MAP2K5: variants seen among roughly 807,000 people sequenced by gnomAD.
MAP2K5 encodes the protein mitogen-activated protein kinase kinase 5.
A neutral mutation model predicts 83.1 loss-of-function variants in MAP2K5; 49 were observed. The observed-to-expected ratio is 0.59, with a 90% CI of 0.47 to 0.75. The LOEUF is 0.75. MAP2K5 is among the 30% of genes least tolerant of loss of function. The probability of loss-of-function intolerance (pLI) is 0.00; values close to 1 mark genes in which losing one functional copy is unlikely to be tolerated. For synonymous variants in MAP2K5, 202 were observed against 191.8 expected (o/e 1.05, Z -0.44); for missense variants, 457 against 557.5 (o/e 0.82, Z 1.82).
intron 8 of MAP2K5, among the ~76,000 whole-genome samples, chr15:67,607,553 A>G (rs899262014): frequency 6.6e-6 from 1 of 152,200 alleles, no homozygotes; most frequent in Non-Finnish European, 1.5e-5. Flanking sequence ...ACAGGATGTC[A>G]CAGGTCGCTG....
At chr15:67,761,087 T>C (rs1228633859) in intron 19 of MAP2K5, among the ~76,000 whole-genome samples, 1 of 152,138 alleles carries the variant, frequency 6.6e-6, no homozygotes, top group African/African-American at 2.4e-5. Flanking sequence ...GGAGTGTAAG[T>C]TCCTTCCTTC....
chr15:67,774,019 A>G lies in MAP2K5; in HGVS notation c.1242+1267A>G, dbSNP rs1596951667. Among the ~76,000 whole-genome samples, 1 of 152,220 alleles carries G rather than the reference A, an allele frequency of 6.6e-6. No individual in the cohort carries two copies. The highest frequency in any genetic ancestry group is 3.2e-3 in the Middle Eastern group (1 of 316). ...ATGCTGCAATGAGTTGGCCACTTAT[A>G]AATAAAACATCTGCAGATCACACAT... On this transcript the variant is annotated intron_variant, in intron 21 of 21. Transcript: ENST00000178640. The surrounding 1 kb of genome is among the most constrained non-coding windows in gnomAD (Gnocchi z 4.9).
rs1049900873 is a variant in MAP2K5 at position 67,669,147 on chromosome 15, G to A, written c.847+4502G>A. On this transcript the variant is annotated intron_variant, in intron 13 of 21. Transcript: ENST00000178640. Reference sequence around the variant, plus strand: ...CAACTATTTATTTTATACCTACTACGTTCTAGGCGCTTTCACAGTACTTGA... The same window carrying A: ...CAACTATTTATTTTATACCTACTACATTCTAGGCGCTTTCACAGTACTTGA... Among the ~76,000 whole-genome samples, 57 of 152,004 alleles carry A rather than the reference G, an allele frequency of 3.7e-4. 1 individual carries two copies. The highest frequency in any genetic ancestry group is 1.2e-3 in the African/African-American group (50 of 41,388).
At chr15:67,706,725 A>T (rs1000835105) in intron 16 of MAP2K5, among the ~76,000 whole-genome samples, 1 of 152,172 alleles carries the variant, frequency 6.6e-6, no homozygotes, top group African/African-American at 2.4e-5. Context: ...ACAACATGTT[A>T]CCAACACAAG....
At chr15:67,549,119 G>C in intron 1 of MAP2K5, 1 of 1,535,262 alleles carries the variant, frequency 6.5e-7, no homozygotes, top group Non-Finnish European at 8.7e-7. Flanking sequence ...GCCTGGGAGG[G>C]ACACTGTGGC....
chr15:67,596,322 A>G (rs1165112351), intron 7 of MAP2K5, among the ~76,000 whole-genome samples: 6 of 152,116 alleles, frequency 3.9e-5, no homozygotes, highest in African/African-American at 1.2e-4. Flanking sequence ...GCTGAGGCAT[A>G]AGAATAGCTT....
At chr15:67,675,213 G>C (rs1034533958) in intron 13 of MAP2K5, among the ~76,000 whole-genome samples, 1 of 152,150 alleles carries the variant, frequency 6.6e-6, no homozygotes, top group Admixed American at 6.5e-5. Flanking sequence ...CCTTCAACAG[G>C]TGAATGGTTA....
chr15:67,646,577 G>A, intron 11 of MAP2K5, 108 bp downstream of exon 11: 1 of 571,340 alleles, frequency 1.8e-6, no homozygotes, highest in Non-Finnish European at 3.0e-6. Flanking sequence ...AATAAAATAT[G>A]CTAATAATTA....
At chr15:67,569,238 A>G (rs1484299633) in intron 3 of MAP2K5, among the ~76,000 whole-genome samples, 3 of 152,222 alleles carry the variant, frequency 2.0e-5, no homozygotes, top group Non-Finnish European at 4.4e-5. Flanking sequence ...CACATATTAA[A>G]TAGGTTCTAC....
At chr15:67,568,867 G>A (rs1049486083) in intron 3 of MAP2K5, among the ~76,000 whole-genome samples, 3 of 151,714 alleles carry the variant, frequency 2.0e-5, no homozygotes, top group Non-Finnish European at 2.9e-5. Context: ...TTAGCCGGGC[G>A]TGGTGGCATG....
intron 3 of MAP2K5, among the ~76,000 whole-genome samples, chr15:67,570,897 A>T (rs16951007): frequency 6.6e-6 from 1 of 152,124 alleles, no homozygotes; most frequent in Non-Finnish European, 1.5e-5. Context: ...AGTATTCCTT[A>T]TAAGTGAAAT....
chr15:67,715,311 G>A (rs188031335), intron 16 of MAP2K5, among the ~76,000 whole-genome samples: 14 of 152,148 alleles, frequency 9.2e-5, no homozygotes, highest in Non-Finnish European at 1.5e-5. Context: ...ATGATGGATT[G>A]ACTAGTTCAG....
At chr15:67,771,918 A>G (rs1365420595) in intron 20 of MAP2K5, among the ~76,000 whole-genome samples, 2 of 152,246 alleles carry the variant, frequency 1.3e-5, no homozygotes, top group Non-Finnish European at 2.9e-5. Context: ...CTCTGAGTTT[A>G]GAACAAATAC....
intron 6 of MAP2K5, among the ~76,000 whole-genome samples, chr15:67,591,346 A>G (rs139908385): frequency 6.8e-6 from 1 of 147,632 alleles, no homozygotes; most frequent in Non-Finnish European, 1.5e-5. Flanking sequence ...CTCTGTCTCA[A>G]AAAAAAAAAA....
intron 8 of MAP2K5, chr15:67,628,515 T>A: frequency 1.3e-6 from 1 of 741,906 alleles, no homozygotes; most frequent in Non-Finnish European, 2.3e-6. Flanking sequence ...AAAAAGACAC[T>A]GAGGAATATC....
chr15:67,646,201 TA>T lies in MAP2K5; in HGVS notation c.586-24del. ...ATTATAACTAATATAATTAGAAGAT[TA>T]AAAAATATTAATACCTTTCTATATT... On this transcript the variant is annotated intron_variant, in intron 9 of 21. Transcript: ENST00000178640. 4.3e-6 allele frequency: 4 copies of T among 927,030 alleles called. No individual in the cohort carries two copies. In the South Asian group the frequency reaches 6.8e-5, roughly 16 times the overall value. The allele number at this position is 927,030 out of a possible 1,614,324, so 57.4% of individuals were successfully genotyped here.
chr15:67,588,890 G>A (rs1287152657), intron 6 of MAP2K5, among the ~76,000 whole-genome samples: 1 of 152,092 alleles, frequency 6.6e-6, no homozygotes, highest in African/African-American at 2.4e-5. Flanking sequence ...ATCACAGCTC[G>A]CTGCAGCCTT....
At chr15:67,673,508 C>T (rs1456726380) in intron 13 of MAP2K5, among the ~76,000 whole-genome samples, 3 of 151,738 alleles carry the variant, frequency 2.0e-5, no homozygotes, top group Middle Eastern at 3.2e-3. Context: ...AGAGGTAAAA[C>T]GTTTGAATTC....
At chr15:67,553,861 C>T (rs556143690) in intron 2 of MAP2K5, among the ~76,000 whole-genome samples, 31 of 126,690 alleles carry the variant, frequency 2.4e-4, no homozygotes, top group East Asian at 5.0e-4. Context: ...TGCAGTGAGC[C>T]GAGATTGCGC....
Sources: allele counts gnomAD v4.1 joint callset (sites outside exome capture counted in the v4.1 genomes callset), GRCh38; gene constraint gnomAD v4.1.1; non-coding constraint Gnocchi (gnomAD v3.1); transcripts MANE v1.5; gene names NCBI Gene and HGNC (gene_info 2026-07-23, HGNC 2026-07-21).